Variants in UNC13C observed in about 807,000 individuals in gnomAD.
The protein encoded by UNC13C is unc-13 homolog C, also known as protein unc-13 homolog C.
UNC13C carries 174 observed loss-of-function variants against 245.4 expected under a neutral mutation model. That is an observed-to-expected ratio of 0.71 (90% CI 0.63 to 0.80). The LOEUF is 0.80. Among genes scored for constraint, UNC13C ranks in the 30% least tolerant of loss-of-function variants. The probability of loss-of-function intolerance (pLI) is 0.00; values close to 1 mark genes in which losing one functional copy is unlikely to be tolerated. For synonymous variants in UNC13C, 992 were observed against 895.1 expected (o/e 1.11, Z -1.93); for missense variants, 2,829 against 2,602.9 (o/e 1.09, Z -1.89).
At chr15:54,391,233 C>T (rs573740) in intron 17 of UNC13C, among the ~76,000 whole-genome samples, 38,575 of 151,746 alleles carry the variant, frequency 0.25, 5,129 homozygotes, top group Non-Finnish European at 0.29. Context: ...GTACATATGA[C>T]GATAATTAAT....
intron 29 of UNC13C, among the ~76,000 whole-genome samples, chr15:54,559,492 G>A (rs933641066): frequency 1.3e-5 from 2 of 152,014 alleles, no homozygotes; most frequent in Non-Finnish European, 2.9e-5. Flanking sequence ...TTAGAGGATT[G>A]CAATTCAAAT....
chr15:54,062,045 C>T (rs116499282), intron 2 of UNC13C, among the ~76,000 whole-genome samples: 1,728 of 152,074 alleles, frequency 0.011, 28 homozygotes, highest in African/African-American at 0.04. Flanking sequence ...CTCAGTCGGG[C>T]GTGGTGGCTC....
intron 12 of UNC13C, 138 bp from the exon 13 acceptor site, chr15:54,300,072 G>T: frequency 1.3e-6 from 1 of 753,096 alleles, no homozygotes; most frequent in Admixed American, 3.1e-5. Flanking sequence ...AAAAATTCAA[G>T]ATATTCCTAT....
intron 1 of UNC13C, among the ~76,000 whole-genome samples, chr15:53,996,074 G>GATGTGAGC: frequency 6.6e-6 from 1 of 152,290 alleles, no homozygotes; most frequent in Middle Eastern, 3.4e-3. Context: ...AGAGACTGAA[G>GATGTGAGC]ATGTGAGCAA....
At chr15:54,095,236 C>A (rs530396224) in intron 2 of UNC13C, among the ~76,000 whole-genome samples, 1 of 152,270 alleles carries the variant, frequency 6.6e-6, no homozygotes, top group South Asian at 2.1e-4. Flanking sequence ...ATACAACATA[C>A]AAATCAAATT....
chr15:54,199,797 A>G (rs2034465094), intron 4 of UNC13C, among the ~76,000 whole-genome samples: 1 of 152,154 alleles, frequency 6.6e-6, no homozygotes, highest in African/African-American at 2.4e-5. Context: ...AAACCAAGGT[A>G]TTCAGTCAAC....
downstream of UNC13C, chr15:54,629,267 A>T (rs1258398783): frequency 1.3e-5 from 2 of 152,150 alleles, no homozygotes; most frequent in Non-Finnish European, 2.9e-5. Flanking sequence ...GGGCAACAAC[A>T]GACACTGTGG....
At chr15:54,529,014 G>T (rs1413766247) in intron 25 of UNC13C, among the ~76,000 whole-genome samples, 1 of 152,082 alleles carries the variant, frequency 6.6e-6, no homozygotes, top group Non-Finnish European at 1.5e-5. Flanking sequence ...GACTCTCTTG[G>T]ATGACAGCTT....
At chr15:54,306,476 A>G (rs911811586) in intron 13 of UNC13C, among the ~76,000 whole-genome samples, 6 of 152,008 alleles carry the variant, frequency 3.9e-5, no homozygotes, top group Non-Finnish European at 8.8e-5. Context: ...ACTTGTTTCC[A>G]TCATCAATAT....
intron 10 of UNC13C, among the ~76,000 whole-genome samples, chr15:54,285,960 C>G (rs531640393): frequency 2.6e-4 from 39 of 152,156 alleles, no homozygotes; most frequent in Admixed American, 1.2e-3. Context: ...TCAATGCAAC[C>G]TCCGCCTCCC....
chr15:53,839,298 C>A, the UNC13C span, among the ~76,000 whole-genome samples: 1 of 152,054 alleles, frequency 6.6e-6, no homozygotes, highest in Non-Finnish European at 1.5e-5. Flanking sequence ...ACAAGATGAA[C>A]AGGATGAAAG....
chr15:53,860,195 A>G, the UNC13C span, among the ~76,000 whole-genome samples: 7 of 152,114 alleles, frequency 4.6e-5, no homozygotes, highest in African/African-American at 1.7e-4. Context: ...ATGTGTGTGG[A>G]TTTTTTACTT....
At chr15:54,092,600 C>T (rs1899633902) in intron 2 of UNC13C, among the ~76,000 whole-genome samples, 1 of 152,022 alleles carries the variant, frequency 6.6e-6, no homozygotes. Context: ...CCCCTTAATC[C>T]CCAAGAACAC....
At chr15:54,083,585 C>T (rs1018338945) in intron 2 of UNC13C, among the ~76,000 whole-genome samples, 5 of 152,180 alleles carry the variant, frequency 3.3e-5, no homozygotes, top group East Asian at 1.9e-4. Context: ...CGGGAAATAA[C>T]GCCCTCTCTA....
At chr15:54,040,170 G>T (rs993905530) in intron 2 of UNC13C, among the ~76,000 whole-genome samples, 1 of 152,006 alleles carries the variant, frequency 6.6e-6, no homozygotes, top group Admixed American at 6.6e-5. Flanking sequence ...CATTCCTATG[G>T]GTAGGTTTCT....
chr15:54,396,585 G>A (rs118066321), intron 18 of UNC13C, among the ~76,000 whole-genome samples: 4 of 151,474 alleles, frequency 2.6e-5, no homozygotes, highest in African/African-American at 9.7e-5. Context: ...ACAAGTCTTT[G>A]TATAGACATA....
Position 54,015,796 on chromosome 15 carries a change from C to A in UNC13C, c.2893C>A (p.Pro965Thr). 1 of 1,611,908 alleles carries A rather than the reference C, an allele frequency of 6.2e-7. No homozygotes were observed. Among genetic ancestry groups the A allele is most frequent in the Non-Finnish European group, 8.5e-7 (1 of 1,178,868 alleles). Reference protein sequence around the residue: ...IPEQPVEITKPKRIRPSFKEA... With the variant: ...IPEQPVEITKTKRIRPSFKEA... Reference sequence around the variant, plus strand: ...TGAACAGCCAGTGGAGATCACAAAGCCAAAGAGAATTCGTCCTTCTTTCAA... The same window carrying A: ...TGAACAGCCAGTGGAGATCACAAAGACAAAGAGAATTCGTCCTTCTTTCAA... Residue 965 changes from proline (P) to threonine (T), a missense_variant, in exon 2 of 33, where the codon CCA becomes ACA. Transcript: ENST00000260323.
intron 2 of UNC13C, among the ~76,000 whole-genome samples, chr15:54,036,239 A>G (rs1896573282): frequency 6.6e-6 from 1 of 152,160 alleles, no homozygotes; most frequent in Non-Finnish European, 1.5e-5. Flanking sequence ...AGATGTCTCT[A>G]TAATGGTCTA....
chr15:53,894,808 G>A, the UNC13C span, among the ~76,000 whole-genome samples: 1 of 151,722 alleles, frequency 6.6e-6, no homozygotes, highest in Admixed American at 6.6e-5. Flanking sequence ...TTTTATTATA[G>A]CAAACTTTTG....
Sources: allele counts gnomAD v4.1 joint callset (sites outside exome capture counted in the v4.1 genomes callset), GRCh38; gene constraint gnomAD v4.1.1; transcripts MANE v1.5; gene names NCBI Gene and HGNC (gene_info 2026-07-23, HGNC 2026-07-21).